The following AP2A2 variants were observed in gnomAD, a reference collection of about 807,000 sequenced individuals.
AP2A2 encodes the protein AP-2 complex subunit alpha-2.
AP2A2 carries 32 observed loss-of-function variants against 104.2 expected under a neutral mutation model. The observed-to-expected ratio is 0.31, with a 90% CI of 0.23 to 0.41. AP2A2 has a LOEUF of 0.41. Ranked by LOEUF, AP2A2 falls within the 10% of genes least tolerant of loss-of-function variation. The probability of loss-of-function intolerance (pLI) is 1.00; values close to 1 mark genes in which losing one functional copy is unlikely to be tolerated. For missense variants in AP2A2, 912 were observed against 1,261.0 expected, an observed-to-expected ratio of 0.72 and a Z score of 4.19; for synonymous variants, 539 against 533.3, an observed-to-expected ratio of 1.01 and a Z score of -0.15.
Position 940,171 on chromosome 11 carries a change from C to T in AP2A2, c.67+14083C>T, listed in dbSNP as rs533280454. ...GTTTCGCCATGTTGGCCAGGCTGGTCTTGAACTCCTGACCTTAAGTGATCC... is the reference window on the plus strand; with the variant it reads ...GTTTCGCCATGTTGGCCAGGCTGGTTTTGAACTCCTGACCTTAAGTGATCC... On this transcript the variant is annotated intron_variant, in intron 1 of 21. Coordinates refer to ENST00000448903, the MANE Select transcript of AP2A2 (RefSeq NM_012305.4). 2.0e-5 allele frequency among the ~76,000 whole-genome samples: 3 copies of T among 151,498 alleles called. No individual in the cohort carries two copies. The East Asian group carries it at 5.9e-4, about 30-fold the overall frequency.
chr11:979,696 G>A (rs1855175302), intron 5 of AP2A2, among the ~76,000 whole-genome samples: 1 of 152,130 alleles, frequency 6.6e-6, no homozygotes, highest in Admixed American at 6.5e-5. Context: ...CGAGTAGCTG[G>A]GATTACAGGC....
intron 2 of AP2A2, among the ~76,000 whole-genome samples, chr11:969,065 C>T (rs564200807): frequency 8.2e-4 from 125 of 152,136 alleles, no homozygotes; most frequent in African/African-American, 2.8e-3. Flanking sequence ...TCCCAGCCTG[C>T]GTTCCTTCAC....
At chr11:983,961 T>C (rs1340155057) in intron 6 of AP2A2, among the ~76,000 whole-genome samples, 1 of 152,216 alleles carries the variant, frequency 6.6e-6, no homozygotes, top group Non-Finnish European at 1.5e-5. Context: ...GCTGGCATCT[T>C]GCAGTTTAGG....
At chr11:988,757 G>A (rs926942701) in intron 10 of AP2A2, 68 bp downstream of exon 10, 12 of 1,575,190 alleles carry the variant, frequency 7.6e-6, no homozygotes, top group Non-Finnish European at 9.6e-6. Flanking sequence ...GATTTCCTTC[G>A]TGCTCTGCGA....
chr11:1,010,532 G>T lies in AP2A2; in HGVS notation c.2743-16G>T, dbSNP rs377745968. ...GCCTCGGCGTGCCCGTTGACCTGCT[G>T]TGCTCTCTGTTTCAGATGTACCGGC... On this transcript the variant is annotated splice_polypyrimidine_tract_variant and intron_variant, in intron 21 of 21. Coordinates refer to ENST00000448903, the MANE Select transcript of AP2A2 (RefSeq NM_012305.4). 2.5e-6 allele frequency: 4 copies of T among 1,576,926 alleles called. No individual in the cohort carries two copies. Among genetic ancestry groups the T allele is most frequent in the Non-Finnish European group, 3.4e-6 (4 of 1,161,100 alleles).
In AP2A2 at chr11:1,010,703, G is replaced by C; in HGVS notation, c.*78G>C. 1 of 1,185,600 alleles carries C rather than the reference G, an allele frequency of 8.4e-7. No homozygotes were observed. The highest frequency in any genetic ancestry group is 1.5e-5 in the African/African-American group (1 of 65,946). The allele number at this position is 1,185,600 out of a possible 1,614,324, so 73.4% of individuals were successfully genotyped here. A position where few individuals can be genotyped will look rare whatever the true frequency, so the allele number is the denominator to read the frequency against. Reference sequence around the variant, plus strand: ...CGTTTGTCTTCGTGGCCATCCTGCAGATGAGCACCGTGTCCAGTGCCACAG... The same window carrying C: ...CGTTTGTCTTCGTGGCCATCCTGCACATGAGCACCGTGTCCAGTGCCACAG... On this transcript the variant is annotated 3_prime_UTR_variant, in exon 22 of 22. Coordinates refer to ENST00000448903, the MANE Select transcript of AP2A2 (RefSeq NM_012305.4).
At position 1,010,693 on chromosome 11, in the gene AP2A2, C is replaced by A. The variant is rs747099545; in HGVS notation, c.*68C>A. ...TCGTCTGTGCCGTTTGTCTTCGTGG[C>A]CATCCTGCAGATGAGCACCGTGTCC... is the stretch of plus-strand genomic sequence containing the variant. On this transcript the variant is annotated 3_prime_UTR_variant, in exon 22 of 22. Coordinates refer to ENST00000448903, the MANE Select transcript of AP2A2 (RefSeq NM_012305.4). The A allele has an allele frequency of 2.2e-6, 3 of 1,368,556 alleles. No homozygotes were observed. In the Admixed American group the frequency reaches 5.9e-5, roughly 27 times the overall value. The allele number at this position is 1,368,556 out of a possible 1,614,324, so 84.8% of individuals were successfully genotyped here. A position where few individuals can be genotyped will look rare whatever the true frequency, so the allele number is the denominator to read the frequency against.
intron 6 of AP2A2, among the ~76,000 whole-genome samples, chr11:984,251 C>T (rs763391412): frequency 6.6e-6 from 1 of 151,696 alleles, no homozygotes; most frequent in Non-Finnish European, 1.5e-5. Context: ...GGCCTGTGGT[C>T]GGGGGGCCCT....
In AP2A2 at chr11:1,006,636, C is replaced by A. The variant is rs772194859; in HGVS notation, c.2296+19C>A. 2.5e-6 allele frequency: 4 copies of A among 1,588,742 alleles called. No homozygotes were observed. Among genetic ancestry groups the A allele is most frequent in the Non-Finnish European group, 3.5e-6 (4 of 1,158,046 alleles). ...CAGCCTAATATCCTTGGCTTCATTGCCCCATGCCCGCAGACAGCATAATGT... is the reference window on the plus strand; with the variant it reads ...CAGCCTAATATCCTTGGCTTCATTGACCCATGCCCGCAGACAGCATAATGT... On this transcript the variant is annotated intron_variant, in intron 17 of 21. Coordinates refer to ENST00000448903, the MANE Select transcript of AP2A2 (RefSeq NM_012305.4).
intron 7 of AP2A2, 41 bp downstream of exon 7, chr11:984,794 A>G (rs1454452011): frequency 2.1e-6 from 3 of 1,443,814 alleles, no homozygotes; most frequent in Non-Finnish European, 1.9e-6. Context: ...CACCAGTGCC[A>G]GTCTGATTCC....
At chr11:1,009,605 G>A in intron 20 of AP2A2, 78 bp from the exon 21 acceptor site, 1 of 1,173,018 alleles carries the variant, frequency 8.5e-7, no homozygotes, top group East Asian at 2.6e-5. Context: ...CAGCGCCAGG[G>A]TCTGGAGGGG....
At chr11:952,966 A>T (rs1196860562) in intron 1 of AP2A2, among the ~76,000 whole-genome samples, 1 of 152,198 alleles carries the variant, frequency 6.6e-6, no homozygotes, top group Non-Finnish European at 1.5e-5. Context: ...CTGCTCCTTT[A>T]CAGGAGAGCC....
At chr11:946,671 G>A (rs1853847094) in intron 1 of AP2A2, 1 of 150,224 alleles carries the variant, frequency 6.7e-6, no homozygotes, top group African/African-American at 2.4e-5. Flanking sequence ...TCAGGAGGCT[G>A]AGTCACGAGA....
chr11:973,906 G>A (rs1044695750), intron 4 of AP2A2, among the ~76,000 whole-genome samples: 1 of 152,212 alleles, frequency 6.6e-6, no homozygotes, highest in South Asian at 2.1e-4. Context: ...ACAGTACCAG[G>A]TCCCTAGTAG....
At chr11:1,008,444 C>G (rs1185575771) in intron 18 of AP2A2, 1 of 340,466 alleles carries the variant, frequency 2.9e-6, no homozygotes, top group African/African-American at 2.2e-5. Context: ...GCGCCACCTG[C>G]CCGGCTTGGT....
At position 947,474 on chromosome 11, in the gene AP2A2, G is replaced by A. The variant is rs72850147; in HGVS notation, c.68-11963G>A. On this transcript the variant is annotated intron_variant, in intron 1 of 21. Coordinates refer to ENST00000448903, the MANE Select transcript of AP2A2 (RefSeq NM_012305.4). Reference sequence around the variant, plus strand: ...TCCGTACCATTAGAATTAGGTTTGTGTTAATCAAAACTGGATTGTTTTAAG... The same window carrying A: ...TCCGTACCATTAGAATTAGGTTTGTATTAATCAAAACTGGATTGTTTTAAG... 2.8e-3 allele frequency among the ~76,000 whole-genome samples: 433 copies of A among 152,292 alleles called. 2 individuals carry two copies. The highest frequency in any genetic ancestry group is 0.017 in the Middle Eastern group (5 of 294).
At chr11:940,824 T>C (rs1453285410) in intron 1 of AP2A2, 2 of 456,164 alleles carry the variant, frequency 4.4e-6, no homozygotes, top group South Asian at 1.5e-5. Context: ...CGCTGCAGGG[T>C]GAGGTCTGAG....
chr11:987,586 C>T (rs1056561308), intron 9 of AP2A2, among the ~76,000 whole-genome samples: 2 of 151,672 alleles, frequency 1.3e-5, no homozygotes, highest in South Asian at 2.1e-4. Context: ...ACCCAAGAGG[C>T]GGAGCTTGCA....
chr11:963,580 C>T (rs2134584185), intron 2 of AP2A2, among the ~76,000 whole-genome samples: 1 of 152,270 alleles, frequency 6.6e-6, no homozygotes, highest in Admixed American at 6.5e-5. Flanking sequence ...GCTGTGTGAG[C>T]ACTGCTGATT....
Sources: allele counts gnomAD v4.1 joint callset (sites outside exome capture counted in the v4.1 genomes callset), GRCh38; gene constraint gnomAD v4.1.1; transcripts MANE v1.5; gene names NCBI Gene and HGNC (gene_info 2026-07-23, HGNC 2026-07-21).